The following DENND1A variants were observed in gnomAD, a reference collection of about 807,000 sequenced individuals.
The protein encoded by DENND1A is DENN domain containing 1A.
Under a neutral mutation model 113.7 loss-of-function variants are expected in DENND1A, and 51 were observed. The observed-to-expected ratio is 0.45, with a 90% confidence interval of 0.36 to 0.57. DENND1A has a LOEUF of 0.57. Ranked by LOEUF, DENND1A falls within the 20% of genes least tolerant of loss-of-function variation. The pLI is 0.00. For missense variants in DENND1A, 1,258 were observed against 1,395.9 expected (o/e 0.90, Z 1.57); for synonymous variants, 565 against 570.8 (o/e 0.99, Z 0.14).
intron 3 of DENND1A, among the ~76,000 whole-genome samples, chr9:123,787,830 A>G (rs1326697475): frequency 6.6e-6 from 1 of 152,200 alleles, no homozygotes; most frequent in African/African-American, 2.4e-5. Context: ...CATTGCTTAT[A>G]GAGCTTGTAC....
chr9:123,556,655 G>A (rs2057431638), intron 13 of DENND1A, among the ~76,000 whole-genome samples: 1 of 152,218 alleles, frequency 6.6e-6, no homozygotes, highest in Non-Finnish European at 1.5e-5. Context: ...CGACTAGGCT[G>A]GGTGTGACAG....
intron 13 of DENND1A, among the ~76,000 whole-genome samples, chr9:123,473,336 GGA>G (rs1482363308): frequency 1.3e-5 from 2 of 152,142 alleles, no homozygotes; most frequent in Non-Finnish European, 2.9e-5. Flanking sequence ...AGGGGAGGGC[GGA>G]GGGAGACAGG....
chr9:123,525,018 G>C (rs914433070), intron 13 of DENND1A, among the ~76,000 whole-genome samples: 1 of 152,192 alleles, frequency 6.6e-6, no homozygotes, highest in Admixed American at 6.5e-5. Flanking sequence ...TCGCTAAGGC[G>C]TTCCATAGCC....
At chr9:123,784,257 C>T (rs560567457) in intron 3 of DENND1A, among the ~76,000 whole-genome samples, 25 of 152,202 alleles carry the variant, frequency 1.6e-4, no homozygotes, top group African/African-American at 4.3e-4. Context: ...TACCAGGGAA[C>T]CATCAAGAGT....
At chr9:123,573,909 C>G (rs10818841) in intron 12 of DENND1A, among the ~76,000 whole-genome samples, 9,087 of 151,884 alleles carry the variant, frequency 0.06, 378 homozygotes, top group African/African-American at 0.094. Context: ...TCTAGATGCT[C>G]TCTATCACAG....
Position 123,412,959 on chromosome 9 carries a change from G to T in DENND1A, c.1489-1130C>A, listed in dbSNP as rs183117862. 7.8e-3 allele frequency among the ~76,000 whole-genome samples: 1,192 copies of T among 152,306 alleles called. 5 individuals carry two copies. The highest frequency in any genetic ancestry group is 0.012 in the Non-Finnish European group (823 of 68,024). ...AGCACTTTGGGAGGCCAAGGTGGGCGGACCACCTGAGGTCAGGAGTTCGAG... is the reference window on the plus strand; with the variant it reads ...AGCACTTTGGGAGGCCAAGGTGGGCTGACCACCTGAGGTCAGGAGTTCGAG... On this transcript the variant is annotated intron_variant, in intron 19 of 23. Coordinates refer to ENST00000394215, the MANE Select transcript of DENND1A (RefSeq NM_001352964.2).
chr9:123,445,582 CAGAG>C (rs2047243939), intron 18 of DENND1A, among the ~76,000 whole-genome samples: 1 of 152,174 alleles, frequency 6.6e-6, no homozygotes, highest in South Asian at 2.1e-4. Context: ...CATAAGAAGA[CAGAG>C]AGGGCCACAT....
In DENND1A at chr9:123,583,254, G is replaced by C; in HGVS notation, c.782C>G (p.Ala261Gly). The change falls in exon 12 of 24, where the codon GCC becomes GGC. Residue 261 changes from alanine to glycine, a missense_variant. Ala to Gly is a moderately conservative substitution (Grantham distance 60). Around this residue, in one of 2 missense-constraint regions of DENND1A, gnomAD observed 1,159 missense variants for 1,231.7 expected, o/e 0.94. Transcript: ENST00000394215. The stretch of plus-strand genomic sequence containing the variant: ...ATTCAGGATCACGACATCATCCAGG[G>C]CCATGTTTCTGACTTTCTGCAAGGA... Reference protein sequence around the residue: ...LSLMEKVRNMALDDVVILNVD... With the variant: ...LSLMEKVRNMGLDDVVILNVD... 1 of 1,611,538 alleles carries C rather than the reference G, an allele frequency of 6.2e-7. No homozygotes were observed. Among genetic ancestry groups the C allele is most frequent in the East Asian group, 2.2e-5 (1 of 44,710 alleles).
chr9:123,918,316 A>G (rs745973630), intron 1 of DENND1A, among the ~76,000 whole-genome samples: 11 of 149,590 alleles, frequency 7.4e-5, no homozygotes, highest in Admixed American at 3.3e-4. Flanking sequence ...GTGAAACCCC[A>G]TCTCTACTTA....
intron 5 of DENND1A, among the ~76,000 whole-genome samples, chr9:123,702,783 C>T (rs1309498099): frequency 6.6e-6 from 1 of 152,132 alleles, no homozygotes; most frequent in Non-Finnish European, 1.5e-5. Context: ...TCACTATCAC[C>T]AGACCTGTCT....
chr9:123,691,406 C>T (rs1193765482), intron 5 of DENND1A, among the ~76,000 whole-genome samples: 3 of 152,050 alleles, frequency 2.0e-5, no homozygotes, highest in African/African-American at 7.2e-5. Context: ...GTGAGGAAGG[C>T]GAACTGGATG....
Position 123,381,254 on chromosome 9 carries a change from C to T in DENND1A, c.*178G>A. 1.5e-6 allele frequency: 1 copy of T among 654,666 alleles called. No individual in the cohort carries two copies. The highest frequency in any genetic ancestry group is 2.6e-6 in the Non-Finnish European group (1 of 386,738). 40.6% of individuals were successfully genotyped at this position (654,666 alleles called of 1,614,324 possible). A position where few individuals can be genotyped will look rare whatever the true frequency, so the allele number is the denominator to read the frequency against. ...TTCCCAGGCTGGAACTGGTGCCATT[C>T]CCCAGGGCCAGACATCAGAGATGGG... On this transcript the variant is annotated 3_prime_UTR_variant, in exon 24 of 24. Transcript: ENST00000394215. This position sits in a 1 kb window ranked among gnomAD's most constrained non-coding sequence, Gnocchi z 4.7.
intron 1 of DENND1A, among the ~76,000 whole-genome samples, chr9:123,897,945 GAAA>G (rs745985411): frequency 8.8e-6 from 1 of 113,792 alleles, no homozygotes; most frequent in Non-Finnish European, 1.9e-5. Flanking sequence ...GTCTCAAGCG[GAAA>G]AAAAAAAAAA....
chr9:123,505,925 G>C (rs1408085725), intron 13 of DENND1A, among the ~76,000 whole-genome samples: 1 of 152,068 alleles, frequency 6.6e-6, no homozygotes, highest in Non-Finnish European at 1.5e-5. Context: ...CTGTGATCAA[G>C]AGGAGCAGGC....
chr9:123,548,570 G>A (rs1399091763), intron 13 of DENND1A, among the ~76,000 whole-genome samples: 1 of 152,158 alleles, frequency 6.6e-6, no homozygotes, highest in Non-Finnish European at 1.5e-5. Flanking sequence ...TAGGTATATA[G>A]CCAAATGACT....
chr9:123,549,249 TC>T (rs917716372), intron 13 of DENND1A, among the ~76,000 whole-genome samples: 1 of 152,122 alleles, frequency 6.6e-6, no homozygotes, highest in African/African-American at 2.4e-5. Flanking sequence ...TTCCTCTTTC[TC>T]CCGGTTTCCT....
intron 3 of DENND1A, among the ~76,000 whole-genome samples, chr9:123,783,974 C>A (rs1230497578): frequency 1.3e-5 from 2 of 152,128 alleles, no homozygotes; most frequent in Admixed American, 6.5e-5. Flanking sequence ...TTCATCAGGG[C>A]AAGTTTCACA....
At chr9:123,684,417 A>G (rs1171915249) in intron 5 of DENND1A, among the ~76,000 whole-genome samples, 1 of 151,842 alleles carries the variant, frequency 6.6e-6, no homozygotes, top group Non-Finnish European at 1.5e-5. Flanking sequence ...CTCCCTCCTA[A>G]CTCGAGGTGA....
intron 9 of DENND1A, among the ~76,000 whole-genome samples, chr9:123,633,658 C>A (rs2061577133): frequency 6.6e-6 from 1 of 152,272 alleles, no homozygotes; most frequent in Admixed American, 6.5e-5. Context: ...TGCCTGTAGT[C>A]CCAGCTACTC....
Sources: allele counts gnomAD v4.1 joint callset (sites outside exome capture counted in the v4.1 genomes callset), GRCh38; gene constraint gnomAD v4.1.1; regional missense constraint gnomAD v4.1.1; non-coding constraint Gnocchi (gnomAD v3.1); transcripts MANE v1.5; gene names NCBI Gene and HGNC (gene_info 2026-07-23, HGNC 2026-07-21).